The following KPNA1 variants were observed in gnomAD, a reference collection of about 807,000 sequenced individuals.
KPNA1 encodes importin subunit alpha-5.
A neutral mutation model predicts 70.5 loss-of-function variants in KPNA1; 10 were observed. The observed-to-expected ratio is 0.14, with a 90% CI of 0.09 to 0.24. The LOEUF is 0.24. KPNA1 is among the 10% of genes least tolerant of loss of function. The pLI is 1.00. For missense variants in KPNA1, 397 were observed against 637.9 expected (o/e 0.62, Z 4.07); for synonymous variants, 192 against 221.9 (o/e 0.87, Z 1.20).
At chr3:122,498,245 C>T (rs2076786065) in intron 1 of KPNA1, among the ~76,000 whole-genome samples, 1 of 152,132 alleles carries the variant, frequency 6.6e-6, no homozygotes, top group South Asian at 2.1e-4. Context: ...AAGGTGAAGC[C>T]TTTGAGAGAT....
chr3:122,443,504 A>G (rs1441737196), intron 9 of KPNA1, among the ~76,000 whole-genome samples: 2 of 152,196 alleles, frequency 1.3e-5, no homozygotes, highest in East Asian at 3.9e-4. Flanking sequence ...CTACCTCCTC[A>G]AGTGGGTCCC....
At chr3:122,460,268 A>C in intron 5 of KPNA1, 1 of 984,748 alleles carries the variant, frequency 1.0e-6, no homozygotes, top group South Asian at 4.7e-5. Context: ...AACTTTATCC[A>C]GGGGGAAAAA....
rs2076060151 is a variant in KPNA1, at chr3:122,441,396, GAGA to G, written c.996+639_996+641del. On this transcript the variant is annotated intron_variant, in intron 10 of 13. Coordinates refer to ENST00000344337, the MANE Select transcript of KPNA1 (RefSeq NM_002264.4). ...CATGTACAAAAGGAGAAAGCTATCAGAGAAGGTGATATTGAGATGAAAAAGACA... is the reference window on the plus strand; with the variant it reads ...CATGTACAAAAGGAGAAAGCTATCAGAGGTGATATTGAGATGAAAAAGACA... Among the ~76,000 whole-genome samples the G allele has an allele frequency of 3.9e-5, 6 of 152,282 alleles. No individual in the cohort carries two copies. In the South Asian group the frequency reaches 1.2e-3, roughly 32 times the overall value.
intron 9 of KPNA1, among the ~76,000 whole-genome samples, chr3:122,445,678 C>T (rs1220876402): frequency 1.3e-5 from 2 of 152,146 alleles, no homozygotes; most frequent in African/African-American, 2.4e-5. Flanking sequence ...CAATAATAAC[C>T]TTAATTGTAA....
intron 2 of KPNA1, among the ~76,000 whole-genome samples, chr3:122,492,112 G>T (rs929592277): frequency 5.3e-5 from 8 of 151,596 alleles, no homozygotes; most frequent in Non-Finnish European, 1.0e-4. Flanking sequence ...CGCCCGTCTC[G>T]GCCTCCCAAA....
chr3:122,430,899 G>A (rs1393522757), intron 12 of KPNA1, among the ~76,000 whole-genome samples: 2 of 152,062 alleles, frequency 1.3e-5, no homozygotes, highest in East Asian at 1.9e-4. Flanking sequence ...TTCACCAGTC[G>A]ATTACTTAAT....
intron 1 of KPNA1, among the ~76,000 whole-genome samples, chr3:122,498,085 T>G (rs923473378): frequency 2.0e-5 from 3 of 152,226 alleles, no homozygotes; most frequent in Non-Finnish European, 4.4e-5. Context: ...ACCTCATTTT[T>G]TTGCATGTGT....
intron 2 of KPNA1, among the ~76,000 whole-genome samples, chr3:122,488,477 C>A (rs1470903902): frequency 6.6e-6 from 1 of 152,138 alleles, no homozygotes. Flanking sequence ...TGTAATCACA[C>A]CACTACACTC....
intron 3 of KPNA1, 44 bp from the exon 4 acceptor site, chr3:122,464,085 T>A: frequency 9.7e-7 from 1 of 1,035,494 alleles, no homozygotes; most frequent in African/African-American, 1.6e-5. Context: ...TTATCACCCT[T>A]AATTCAAAGG....
intron 2 of KPNA1, among the ~76,000 whole-genome samples, chr3:122,493,145 T>C (rs933750644): frequency 6.6e-6 from 1 of 152,236 alleles, no homozygotes; most frequent in Non-Finnish European, 1.5e-5. Context: ...CACTACACTA[T>C]TCTAGAACTG....
At chr3:122,440,000 T>G (rs1257417271) in intron 10 of KPNA1, among the ~76,000 whole-genome samples, 1 of 152,078 alleles carries the variant, frequency 6.6e-6, no homozygotes, top group African/African-American at 2.4e-5. Flanking sequence ...CAAGCAGAAA[T>G]ATGTAAGAAA....
intron 8 of KPNA1, among the ~76,000 whole-genome samples, chr3:122,451,003 C>T (rs1209561911): frequency 6.6e-6 from 1 of 152,090 alleles, no homozygotes. Context: ...GAGAAAGGGT[C>T]GGAGGTGGGT....
intron 3 of KPNA1, among the ~76,000 whole-genome samples, chr3:122,466,679 T>C (rs879600212): frequency 2.6e-5 from 4 of 152,130 alleles, no homozygotes; most frequent in African/African-American, 4.8e-5. Context: ...ACAGGTCAAT[T>C]TTGTAAATCA....
At position 122,442,136 on chromosome 3, in the gene KPNA1, T is replaced by C. The variant is rs2076071807; in HGVS notation, c.918-20A>G. 1 of 1,578,108 alleles carries C rather than the reference T, an allele frequency of 6.3e-7. No individual in the cohort carries two copies. The highest frequency in any genetic ancestry group is 8.7e-7 in the Non-Finnish European group (1 of 1,147,600). On this transcript the variant is annotated intron_variant, in intron 9 of 13. Transcript: ENST00000344337. ...TTATGCCTGCAAAAACAAAAAGTAA[T>C]GTTATAGCAAACAGTTCTATCCTTA... is the stretch of plus-strand genomic sequence containing the variant.
intron 6 of KPNA1, among the ~76,000 whole-genome samples, 184 bp downstream of exon 6, chr3:122,453,686 A>G (rs2076236485): frequency 6.6e-6 from 1 of 151,924 alleles, no homozygotes; most frequent in African/African-American, 2.4e-5. Flanking sequence ...ACAGACACGT[A>G]CCACCATGCC....
intron 11 of KPNA1, among the ~76,000 whole-genome samples, chr3:122,435,484 A>G (rs1033823389): frequency 1.3e-5 from 2 of 152,256 alleles, no homozygotes; most frequent in African/African-American, 2.4e-5. Flanking sequence ...GGAAAAATAA[A>G]TATCTTACTT....
intron 1 of KPNA1, among the ~76,000 whole-genome samples, chr3:122,508,198 T>C (rs922846217): frequency 6.6e-6 from 1 of 152,092 alleles, no homozygotes; most frequent in African/African-American, 2.4e-5. Flanking sequence ...GAATCAGAGA[T>C]GGTGTCAAAA....
intron 2 of KPNA1, among the ~76,000 whole-genome samples, chr3:122,491,411 T>C (rs1344277322): frequency 6.6e-6 from 1 of 152,206 alleles, no homozygotes; most frequent in African/African-American, 2.4e-5. Context: ...ATTTTTAAAA[T>C]GTACAACCAC....
chr3:122,502,643 T>A (rs2076841848), intron 1 of KPNA1, among the ~76,000 whole-genome samples: 1 of 152,212 alleles, frequency 6.6e-6, no homozygotes, highest in African/African-American at 2.4e-5. Context: ...GCAGAAACTT[T>A]ATCAGACTAA....
Sources: gnomAD v4.1 joint callset for allele counts (sites outside exome capture counted in the v4.1 genomes callset) on GRCh38, gnomAD v4.1.1 for gene constraint, MANE v1.5 for transcripts, NCBI Gene and HGNC (gene_info 2026-07-23, HGNC 2026-07-21) for gene names.